Variants in SEMA3A observed in about 807,000 individuals in gnomAD.
The protein encoded by SEMA3A is semaphorin-3A.
In SEMA3A, 29 loss-of-function variants were observed where a neutral mutation model predicts 97.9. The observed-to-expected ratio is 0.30, with a 90% CI of 0.22 to 0.40. The LOEUF is 0.40. SEMA3A is among the 10% of genes least tolerant of loss of function. SEMA3A has a pLI of 1.00. For missense variants in SEMA3A, 763 were observed against 951.3 expected (o/e 0.80, Z 2.60); for synonymous variants, 321 against 323.7 (o/e 0.99, Z 0.09).
intron 4 of SEMA3A, among the ~76,000 whole-genome samples, chr7:84,093,371 G>A (rs555598011): frequency 6.6e-6 from 1 of 152,226 alleles, no homozygotes; most frequent in East Asian, 1.9e-4. Flanking sequence ...GTGTTGCCAT[G>A]AGAACATACA....
In SEMA3A at chr7:84,250,950, G is replaced by C. The variant is rs551157402; in HGVS notation, c.-83+56257C>G. On this transcript the variant is annotated intron_variant, in intron 3 of 3. Coordinates refer to the SEMA3A transcript ENST00000424555. ...ATTTGACAAAGTATGCGTATGTCCAGCACGCAGATAATCTCCTCAAGAGTC... is the reference window on the plus strand; with the variant it reads ...ATTTGACAAAGTATGCGTATGTCCACCACGCAGATAATCTCCTCAAGAGTC... 4.6e-5 allele frequency among the ~76,000 whole-genome samples: 7 copies of C among 152,226 alleles called. No individual in the cohort carries two copies. The East Asian group carries it at 1.4e-3, about 29-fold the overall frequency.
chr7:84,413,985 A>T (rs1435095195), intron 1 of SEMA3A, among the ~76,000 whole-genome samples: 1 of 152,102 alleles, frequency 6.6e-6, no homozygotes, highest in African/African-American at 2.4e-5. Context: ...CAAATTTAGA[A>T]GACAGAAAAA....
chr7:83,985,679 T>C (rs938577981), intron 12 of SEMA3A, among the ~76,000 whole-genome samples: 3 of 152,220 alleles, frequency 2.0e-5, no homozygotes, highest in Non-Finnish European at 4.4e-5. Context: ...ATTGTGTCAG[T>C]GTCATACAGT....
At chr7:84,468,986 G>C (rs1806075449) in intron 1 of SEMA3A, among the ~76,000 whole-genome samples, 1 of 151,872 alleles carries the variant, frequency 6.6e-6, no homozygotes, top group African/African-American at 2.4e-5. Context: ...TTCAGGAAAA[G>C]TAAATAAAAT....
At chr7:84,005,148 T>G (rs1400065637) in intron 11 of SEMA3A, among the ~76,000 whole-genome samples, 191 bp downstream of exon 11, 3 of 152,192 alleles carry the variant, frequency 2.0e-5, no homozygotes, top group African/African-American at 7.2e-5. Context: ...ACTGTTTATC[T>G]TATAGGTAAG....
At chr7:84,067,029 AG>A (rs1391949691) in intron 4 of SEMA3A, among the ~76,000 whole-genome samples, 1 of 152,150 alleles carries the variant, frequency 6.6e-6, no homozygotes, top group Non-Finnish European at 1.5e-5. Context: ...CTATACTACA[AG>A]GCTACAGTAA....
chr7:84,152,555 G>A (rs1195454939), intron 1 of SEMA3A, among the ~76,000 whole-genome samples: 1 of 110,404 alleles, frequency 9.1e-6, no homozygotes, highest in Non-Finnish European at 1.8e-5. Flanking sequence ...GGTGGGGGGA[G>A]GGGGGAGGGA....
intron 12 of SEMA3A, among the ~76,000 whole-genome samples, chr7:83,988,915 T>A (rs1465010544): frequency 2.0e-5 from 3 of 150,074 alleles, no homozygotes; most frequent in Non-Finnish European, 3.0e-5. Context: ...TGGAGTGCAG[T>A]GGTGCGATCT....
At chr7:84,035,869 T>C (rs988755346) in intron 6 of SEMA3A, among the ~76,000 whole-genome samples, 88 of 152,210 alleles carry the variant, frequency 5.8e-4, no homozygotes, top group Middle Eastern at 3.4e-3. Context: ...CATTTGTCAC[T>C]GAGATAACAC....
chr7:84,124,109 G>A (rs899413883), intron 3 of SEMA3A, among the ~76,000 whole-genome samples: 22 of 152,224 alleles, frequency 1.4e-4, no homozygotes, highest in African/African-American at 5.3e-4. Flanking sequence ...GGTTTACTGT[G>A]TTGTCATAGC....
intron 3 of SEMA3A, among the ~76,000 whole-genome samples, chr7:84,111,047 C>T (rs940334406): frequency 3.3e-5 from 5 of 152,082 alleles, no homozygotes; most frequent in African/African-American, 1.2e-4. Context: ...TAATATGACC[C>T]TCTAATAAAC....
At chr7:84,440,439 AT>A (rs766931350) in intron 1 of SEMA3A, among the ~76,000 whole-genome samples, 7 of 152,110 alleles carry the variant, frequency 4.6e-5, no homozygotes, top group Non-Finnish European at 1.0e-4. Flanking sequence ...CTGATCTCTG[AT>A]TGTTTCTTCT....
At chr7:84,224,615 T>C (rs1798948645) in intron 3 of SEMA3A, among the ~76,000 whole-genome samples, 2 of 152,054 alleles carry the variant, frequency 1.3e-5, no homozygotes, top group Non-Finnish European at 2.9e-5. Context: ...ACAAAGTCCA[T>C]TCCATTTTAG....
chr7:84,069,578 A>T (rs1471717488), intron 4 of SEMA3A, among the ~76,000 whole-genome samples: 1 of 152,106 alleles, frequency 6.6e-6, no homozygotes, highest in Non-Finnish European at 1.5e-5. Flanking sequence ...TCTTTCTTAT[A>T]GGTAGATGAG....
intron 1 of SEMA3A, among the ~76,000 whole-genome samples, chr7:84,174,976 A>T (rs1258394265): frequency 1.3e-5 from 2 of 152,140 alleles, no homozygotes; most frequent in Non-Finnish European, 2.9e-5. Context: ...TTGACTGTTA[A>T]TTTTTTAATC....
chr7:84,371,476 T>A (rs137945579), intron 2 of SEMA3A, among the ~76,000 whole-genome samples: 2 of 151,970 alleles, frequency 1.3e-5, no homozygotes, highest in African/African-American at 4.8e-5. Flanking sequence ...TGGAAAAGCA[T>A]TTAGGTCTTA....
chr7:84,079,701 C>A (rs1205118460), intron 4 of SEMA3A, among the ~76,000 whole-genome samples: 2 of 121,538 alleles, frequency 1.6e-5, no homozygotes, highest in Non-Finnish European at 3.3e-5. Context: ...AGTCAGGAAA[C>A]AACAGGTGCT....
chr7:84,423,192 T>C (rs1804647606), intron 1 of SEMA3A, among the ~76,000 whole-genome samples: 1 of 151,856 alleles, frequency 6.6e-6, no homozygotes, highest in South Asian at 2.1e-4. Context: ...AAAGAAGACA[T>C]GTTTGTAGTT....
intron 1 of SEMA3A, among the ~76,000 whole-genome samples, chr7:84,396,012 C>T (rs987735286): frequency 6.6e-6 from 1 of 151,866 alleles, no homozygotes; most frequent in Admixed American, 6.6e-5. Flanking sequence ...AACTGGAAGA[C>T]ACACTAAAGA....
Sources: allele counts gnomAD v4.1 joint callset (sites outside exome capture counted in the v4.1 genomes callset), GRCh38; gene constraint gnomAD v4.1.1; transcripts MANE v1.5; gene names NCBI Gene and HGNC (gene_info 2026-07-23, HGNC 2026-07-21).